EGLN1: variants seen among roughly 807,000 people sequenced by gnomAD.
EGLN1 encodes the protein egl-9 family hypoxia inducible factor 1.
EGLN1 carries 17 observed loss-of-function variants against 38.3 expected under a neutral mutation model. That is an observed-to-expected ratio of 0.44 (90% CI 0.30 to 0.67). The LOEUF is 0.67. EGLN1 is among the 30% of genes least tolerant of loss of function. The probability of loss-of-function intolerance (pLI) is 0.08; values close to 1 mark genes in which losing one functional copy is unlikely to be tolerated. For synonymous variants in EGLN1, 283 were observed against 257.5 expected, an observed-to-expected ratio of 1.10 and a Z score of -0.95; for missense variants, 477 against 603.3, an observed-to-expected ratio of 0.79 and a Z score of 2.19.
At chr1:231,393,963 A>G (rs1688454605) in intron 1 of EGLN1, among the ~76,000 whole-genome samples, 1 of 152,204 alleles carries the variant, frequency 6.6e-6, no homozygotes, top group South Asian at 2.1e-4. Flanking sequence ...CTCCCTGTGG[A>G]TAAAAACAAG....
intron 1 of EGLN1, among the ~76,000 whole-genome samples, chr1:231,396,835 G>A (rs1015106222): frequency 6.6e-6 from 1 of 152,092 alleles, no homozygotes; most frequent in Non-Finnish European, 1.5e-5. Flanking sequence ...CGGAAACTTA[G>A]AACTATCATC....
chr1:231,421,637 C>A lies in EGLN1; in HGVS notation c.252G>T (p.Pro84=), dbSNP rs1060504235. The change falls in exon 1 of 5, where the codon CCG becomes CCT. Residue 84 remains proline, a synonymous_variant. Transcript: ENST00000366641. This position sits in a 1 kb window ranked among gnomAD's most constrained non-coding sequence, Gnocchi z 5.5. The stretch of plus-strand genomic sequence containing the variant: ...GCTCCCGGGCCCCGGCCCTGGGCGG[C>A]GGCACTGCAGCCGGCGGCGCGGGGC... ...HSGPAPPAAV[P]PPRAGAREPR... The A allele has an allele frequency of 1.4e-6, 2 of 1,439,502 alleles. No individual in the cohort carries two copies. The highest frequency in any genetic ancestry group is 1.8e-6 in the Non-Finnish European group (2 of 1,099,822). The allele number at this position is 1,439,502 out of a possible 1,614,324, so 89.2% of individuals were successfully genotyped here.
chr1:231,366,051 C>A lies in EGLN1; in HGVS notation c.*360G>T. On this transcript the variant is annotated 3_prime_UTR_variant, in exon 5 of 5. Transcript: ENST00000366641. Reference sequence around the variant, plus strand: ...TAATATAGAAAAATTATCCCAAATTCAAACTTGATATAAAAAAGGGAGAGA... The same window carrying A: ...TAATATAGAAAAATTATCCCAAATTAAAACTTGATATAAAAAAGGGAGAGA... 1 of 247,032 alleles carries A rather than the reference C, an allele frequency of 4.0e-6. No individual in the cohort carries two copies. The highest frequency in any genetic ancestry group is 7.9e-6 in the Non-Finnish European group (1 of 127,282). 15.3% of individuals were successfully genotyped at this position (247,032 alleles called of 1,614,324 possible). A position where few individuals can be genotyped will look rare whatever the true frequency, so the allele number is the denominator to read the frequency against.
chr1:231,407,631 G>A lies in EGLN1; in HGVS notation c.891+13367C>T, dbSNP rs951056546. Among the ~76,000 whole-genome samples, 6 of 152,188 alleles carry A rather than the reference G, an allele frequency of 3.9e-5. No homozygotes were observed. The South Asian group carries it at 1.0e-3, about 26-fold the overall frequency. On this transcript the variant is annotated intron_variant, in intron 1 of 4. Coordinates refer to ENST00000366641, the MANE Select transcript of EGLN1 (RefSeq NM_022051.3). Reference sequence around the variant, plus strand: ...AAGGATTCACACACCATTGGTAGGGGTGAGGGACATAAGATATGCAGGCCC... The same window carrying A: ...AAGGATTCACACACCATTGGTAGGGATGAGGGACATAAGATATGCAGGCCC...
chr1:231,402,969 TACC>T (rs916043402), intron 1 of EGLN1, among the ~76,000 whole-genome samples: 77 of 152,034 alleles, frequency 5.1e-4, no homozygotes, highest in African/African-American at 1.8e-3. Context: ...CTTCACCCTG[TACC>T]ATTGCTCTAC....
At position 231,403,590 on chromosome 1, in the gene EGLN1, G is replaced by A. The variant is rs371635624; in HGVS notation, c.891+17408C>T. ...GTTCAAGACCAGCCTGGCTAACATG[G>A]CGAAACCCTGTCTCTACTAAAAATA... On this transcript the variant is annotated intron_variant, in intron 1 of 4. Transcript: ENST00000366641. 3.2e-4 allele frequency among the ~76,000 whole-genome samples: 49 copies of A among 151,610 alleles called. 1 individual carries two copies. The East Asian group carries it at 7.5e-3, about 23-fold the overall frequency.
chr1:231,403,633 C>G (rs1688715586), intron 1 of EGLN1, among the ~76,000 whole-genome samples: 1 of 151,426 alleles, frequency 6.6e-6, no homozygotes, highest in African/African-American at 2.4e-5. Context: ...TAGCCAGGCC[C>G]AGTGGTGCGT....
intron 1 of EGLN1, among the ~76,000 whole-genome samples, chr1:231,389,605 C>T (rs1688315338): frequency 6.6e-6 from 1 of 152,052 alleles, no homozygotes; most frequent in Non-Finnish European, 1.5e-5. Flanking sequence ...CTGCTTTTCA[C>T]CTTCACAAAA....
intron 1 of EGLN1, among the ~76,000 whole-genome samples, chr1:231,397,054 C>G (rs966307632): frequency 6.6e-6 from 1 of 152,220 alleles, no homozygotes; most frequent in Non-Finnish European, 1.5e-5. Flanking sequence ...CTATTCTCCA[C>G]ACTCCATTCA....
rs539743848 is a variant in EGLN1, at chr1:231,421,609, T to C, written c.280A>G (p.Arg94Gly). Residue 94 changes from arginine (R) to glycine (G), a missense_variant, in exon 1 of 5, where the codon AGG (arginine) becomes GGG (glycine). Physicochemically the swap from Arg to Gly is moderately radical, Grantham distance 125. Around this residue, in one of 4 missense-constraint regions of EGLN1, gnomAD observed 298 missense variants for 288.9 expected, o/e 1.03. Coordinates refer to ENST00000366641, the MANE Select transcript of EGLN1 (RefSeq NM_022051.3). The surrounding 1 kb of genome is among the most constrained non-coding windows in gnomAD (Gnocchi z 5.5). ...PPPRAGAREPRKAAARRDNAS... is the reference protein window; with the variant it reads ...PPPRAGAREPGKAAARRDNAS... ...TTGTCCCGGCGCGCCGCTGCCTTCCTGGGCTCCCGGGCCCCGGCCCTGGGC... is the reference window on the plus strand; with the variant it reads ...TTGTCCCGGCGCGCCGCTGCCTTCCCGGGCTCCCGGGCCCCGGCCCTGGGC... The C allele has an allele frequency of 9.4e-5, 126 of 1,345,416 alleles. 1 individual carries two copies. In the South Asian group the frequency reaches 1.2e-3, roughly 13 times the overall value. 83.3% of individuals were successfully genotyped at this position (1,345,416 alleles called of 1,614,324 possible).
chr1:231,394,788 A>T (rs575527889), intron 1 of EGLN1, among the ~76,000 whole-genome samples: 1 of 152,078 alleles, frequency 6.6e-6, no homozygotes, highest in Admixed American at 6.6e-5. Context: ...TTTCACCCCC[A>T]GATTTCTAAA....
At chr1:231,418,023 C>G (rs1247313759) in intron 1 of EGLN1, among the ~76,000 whole-genome samples, 1 of 152,176 alleles carries the variant, frequency 6.6e-6, no homozygotes, top group Non-Finnish European at 1.5e-5. Flanking sequence ...GGGATACAAC[C>G]ACCTGCCTAC....
intron 1 of EGLN1, among the ~76,000 whole-genome samples, chr1:231,392,094 T>A (rs1484879187): frequency 1.3e-5 from 2 of 152,150 alleles, no homozygotes; most frequent in African/African-American, 4.8e-5. Context: ...AAGACCATCC[T>A]GGCTAACATG....
intron 1 of EGLN1, among the ~76,000 whole-genome samples, chr1:231,411,774 G>A (rs1012287723): frequency 4.6e-5 from 7 of 151,748 alleles, no homozygotes; most frequent in African/African-American, 1.2e-4. Context: ...CTAGGTGGGC[G>A]GATCACGAGG....
intron 1 of EGLN1, among the ~76,000 whole-genome samples, chr1:231,398,218 T>A (rs1383849647): frequency 1.3e-5 from 2 of 152,110 alleles, no homozygotes; most frequent in Non-Finnish European, 2.9e-5. Context: ...AAAAAGATAA[T>A]TAGTTCAAGA....
At chr1:231,415,222 A>G (rs1364534540) in intron 1 of EGLN1, among the ~76,000 whole-genome samples, 2 of 151,682 alleles carry the variant, frequency 1.3e-5, no homozygotes, top group Non-Finnish European at 2.9e-5. Context: ...GCAGTAAGCC[A>G]TAATTGCACC....
At chr1:231,391,083 GTTTTTTTTTT>G (rs753107927) in intron 1 of EGLN1, among the ~76,000 whole-genome samples, 2,539 of 49,742 alleles carry the variant, frequency 0.051, 82 homozygotes, top group Middle Eastern at 0.11. Flanking sequence ...AACTCATTCT[GTTTTTTTTTT>G]GTGTGTGTGT....
chr1:231,408,670 T>C (rs1161227209), intron 1 of EGLN1, among the ~76,000 whole-genome samples: 3 of 152,148 alleles, frequency 2.0e-5, no homozygotes, highest in Admixed American at 2.0e-4. Flanking sequence ...TACACCAATG[T>C]TGGAAATACA....
At chr1:231,412,684 AC>A (rs1688984131) in intron 1 of EGLN1, among the ~76,000 whole-genome samples, 2 of 152,234 alleles carry the variant, frequency 1.3e-5, no homozygotes. Context: ...TAGAAGGTCA[AC>A]AGTAGTAGTA....
Sources: allele counts gnomAD v4.1 joint callset (sites outside exome capture counted in the v4.1 genomes callset), GRCh38; gene constraint gnomAD v4.1.1; regional missense constraint gnomAD v4.1.1; non-coding constraint Gnocchi (gnomAD v3.1); transcripts MANE v1.5; gene names NCBI Gene and HGNC (gene_info 2026-07-23, HGNC 2026-07-21).